The following NMBR variants were observed in gnomAD, a reference collection of about 807,000 sequenced individuals.
NMBR encodes neuromedin B receptor, also known as neuromedin-B receptor.
In NMBR, 16 loss-of-function variants were observed where a neutral mutation model predicts 20.5. That is an observed-to-expected ratio of 0.78 (90% CI 0.53 to 1.19). NMBR has a LOEUF of 1.19. Among genes scored for constraint, NMBR ranks in the 50% most tolerant of loss-of-function variants. NMBR has a pLI of 0.00. For synonymous variants in NMBR, 212 were observed against 196.6 expected (o/e 1.08, Z -0.65); for missense variants, 582 against 499.1 (o/e 1.17, Z -1.58).
chr6:142,119,432 G>C (rs1777906987), intron 1 of NMBR, among the ~76,000 whole-genome samples: 1 of 151,906 alleles, frequency 6.6e-6, no homozygotes, highest in Non-Finnish European at 1.5e-5. Context: ...TTAATGCCAA[G>C]TAAATTGGTC....
chr6:142,094,035 A>G (rs1265958042), intron 1 of NMBR, among the ~76,000 whole-genome samples: 2 of 151,778 alleles, frequency 1.3e-5, no homozygotes, highest in Admixed American at 1.3e-4. Flanking sequence ...AGTTCATTGT[A>G]GATTCTGGAT....
At chr6:142,076,283 G>T (rs1380946740) in intron 3 of NMBR, among the ~76,000 whole-genome samples, 1 of 151,982 alleles carries the variant, frequency 6.6e-6, no homozygotes, top group Non-Finnish European at 1.5e-5. Context: ...AAAACTAAGT[G>T]GTAAATTACT....
At position 142,089,312 on chromosome 6, in the gene NMBR, G is replaced by T. The variant is rs1270583139; in HGVS notation, c.-654C>A. 1 of 152,164 alleles carries T rather than the reference G, an allele frequency of 6.6e-6. No homozygotes were observed. The highest frequency in any genetic ancestry group is 1.5e-5 in the Non-Finnish European group (1 of 68,072). The allele number at this position is 152,164 out of a possible 1,614,324, so 9.4% of individuals were successfully genotyped here. On this transcript the variant is annotated 5_prime_UTR_variant, in exon 2 of 4. Coordinates refer to ENST00000258042, the MANE Select transcript of NMBR (RefSeq NM_002511.4). ...GAGGATTAAAGGGCTGAGTTGGCAA[G>T]TCCCTAATGCTGAAACACAGAATTT...
Position 142,094,318 on chromosome 6 carries a change from A to T in NMBR, c.-663-4997T>A, listed in dbSNP as rs550328433. ...TTAAGTCTTTAATCCATCTTGAATT[A>T]ATTTTTGTATAAGTTGTAAGGAAGG... On this transcript the variant is annotated intron_variant, in intron 1 of 3. Coordinates refer to ENST00000258042, the MANE Select transcript of NMBR (RefSeq NM_002511.4). Among the ~76,000 whole-genome samples, 4 of 152,272 alleles carry T rather than the reference A, an allele frequency of 2.6e-5. No homozygotes were observed. The East Asian group carries it at 7.7e-4, about 29-fold the overall frequency.
chr6:142,123,805 G>A (rs1453665993), intron 1 of NMBR, among the ~76,000 whole-genome samples: 1 of 151,960 alleles, frequency 6.6e-6, no homozygotes, highest in Non-Finnish European at 1.5e-5. Flanking sequence ...TGGCGAGGCT[G>A]CAATAAAACC....
At chr6:142,092,282 G>C (rs1472230756) in intron 1 of NMBR, among the ~76,000 whole-genome samples, 1 of 152,060 alleles carries the variant, frequency 6.6e-6, no homozygotes, top group Admixed American at 6.6e-5. Flanking sequence ...ATGTAGATAA[G>C]GAAACAACAC....
chr6:142,087,630 GA>G (rs946838022), intron 2 of NMBR, among the ~76,000 whole-genome samples: 53 of 150,618 alleles, frequency 3.5e-4, no homozygotes, highest in African/African-American at 9.5e-4. Flanking sequence ...CCTATCTGTG[GA>G]AAAAAAAAGT....
chr6:142,088,466 C>A lies in NMBR; in HGVS notation c.193G>T (p.Val65Leu). 6.2e-7 allele frequency: 1 copy of A among 1,614,044 alleles called. No homozygotes were observed. The highest frequency in any genetic ancestry group is 1.1e-5 in the South Asian group (1 of 91,076). ...GCGCTGTTGGTGATGAAGATCTTCA[C>A]CAGCATGATGTTGCCCAGCAAGCCC... ...TVGLLGNIML[V>L]KIFITNSAMR... The change falls in exon 2 of 4, where the codon GTG becomes TTG. Residue 65 changes from valine to leucine, a missense_variant. Coordinates refer to ENST00000258042, the MANE Select transcript of NMBR (RefSeq NM_002511.4).
At chr6:142,139,699 C>G (rs1394739602) in intron 1 of NMBR, among the ~76,000 whole-genome samples, 3 of 152,172 alleles carry the variant, frequency 2.0e-5, no homozygotes, top group African/African-American at 7.2e-5. Flanking sequence ...TAAGACGAGA[C>G]AGGTGGTTTA....
At chr6:142,079,258 T>C (rs987526088) in intron 2 of NMBR, among the ~76,000 whole-genome samples, 15 of 152,048 alleles carry the variant, frequency 9.9e-5, no homozygotes, top group Admixed American at 1.3e-4. Context: ...GTAAGAGAGA[T>C]GCCAACAATA....
At position 142,131,929 on chromosome 6, in the gene NMBR, G is replaced by A. The variant is rs111969216; in HGVS notation, c.-664+15115C>T. Among the ~76,000 whole-genome samples the A allele has an allele frequency of 7.0e-3, 1,072 of 152,280 alleles. 16 individuals carry two copies. Among genetic ancestry groups the A allele is most frequent in the African/African-American group, 0.024 (1,018 of 41,554 alleles). On this transcript the variant is annotated intron_variant, in intron 1 of 3. Coordinates refer to ENST00000258042, the MANE Select transcript of NMBR (RefSeq NM_002511.4). ...AAGCACTATTCCTTCTTATGCAAATGGTTGTTAGGGCTTTTAGATGTCACT... is the reference window on the plus strand; with the variant it reads ...AAGCACTATTCCTTCTTATGCAAATAGTTGTTAGGGCTTTTAGATGTCACT...
chr6:142,077,761 G>C (rs571282510), intron 3 of NMBR, among the ~76,000 whole-genome samples: 1 of 152,288 alleles, frequency 6.6e-6, no homozygotes, highest in South Asian at 2.1e-4. Flanking sequence ...TTGGAAACAA[G>C]CATCGGTAAC....
At chr6:142,130,246 A>G (rs1582861293) in intron 1 of NMBR, among the ~76,000 whole-genome samples, 1 of 152,116 alleles carries the variant, frequency 6.6e-6, no homozygotes, top group East Asian at 1.9e-4. Context: ...AGAGACCTAG[A>G]GATGAGTTTG....
chr6:142,140,053 C>T lies in NMBR; in HGVS notation c.-664+6991G>A, dbSNP rs138598677. On this transcript the variant is annotated intron_variant, in intron 1 of 3. Transcript: ENST00000258042. Reference sequence around the variant, plus strand: ...AAAACCTATGAGATATGAGCAAATTCGTAGTGCACTGAAAATTGACAGCTG... The same window carrying T: ...AAAACCTATGAGATATGAGCAAATTTGTAGTGCACTGAAAATTGACAGCTG... 1.2e-4 allele frequency among the ~76,000 whole-genome samples: 18 copies of T among 152,008 alleles called. No homozygotes were observed. In the East Asian group the frequency reaches 3.1e-3, roughly 26 times the overall value.
intron 1 of NMBR, among the ~76,000 whole-genome samples, chr6:142,129,140 C>CAGG (rs1387123203): frequency 6.6e-6 from 1 of 151,124 alleles, no homozygotes; most frequent in Admixed American, 6.6e-5. Flanking sequence ...GTCTTAAATG[C>CAGG]TTTTAATCTC....
chr6:142,078,436 C>T (rs1776996439), intron 3 of NMBR, 119 bp downstream of exon 3: 5 of 618,606 alleles, frequency 8.1e-6, no homozygotes, highest in African/African-American at 1.8e-5. Flanking sequence ...CTAGTTAAGG[C>T]CTGTGAAGGC....
chr6:142,086,014 C>T (rs1421710413), intron 2 of NMBR, among the ~76,000 whole-genome samples: 11 of 146,650 alleles, frequency 7.5e-5, no homozygotes, highest in Non-Finnish European at 1.3e-4. Flanking sequence ...GAATCAGCTC[C>T]TGTACTCTTT....
chr6:142,121,488 A>G (rs1186481827), intron 1 of NMBR, among the ~76,000 whole-genome samples: 1 of 151,946 alleles, frequency 6.6e-6, no homozygotes, highest in East Asian at 1.9e-4. Context: ...TAAAAGTGCT[A>G]CTCCGATTAA....
chr6:142,116,124 T>G (rs1033192360), intron 1 of NMBR, among the ~76,000 whole-genome samples: 15 of 151,900 alleles, frequency 9.9e-5, no homozygotes, highest in African/African-American at 3.6e-4. Context: ...CCACCATGAT[T>G]GTGAGGCTTC....
Sources: allele counts gnomAD v4.1 joint callset (sites outside exome capture counted in the v4.1 genomes callset), GRCh38; gene constraint gnomAD v4.1.1; transcripts MANE v1.5; gene names NCBI Gene and HGNC (gene_info 2026-07-23, HGNC 2026-07-21).